The following AGFG1 variants were observed in gnomAD, a reference collection of about 807,000 sequenced individuals.
AGFG1 encodes the protein ArfGAP with FG repeats 1.
AGFG1 carries 10 observed loss-of-function variants against 60.6 expected under a neutral mutation model. That is an observed-to-expected ratio of 0.16 (90% CI 0.10 to 0.28). AGFG1 has a LOEUF of 0.28. AGFG1 is among the 10% of genes least tolerant of loss of function. The pLI is 1.00. For missense variants in AGFG1, 537 were observed against 676.5 expected (o/e 0.79, Z 2.29); for synonymous variants, 247 against 242.9 (o/e 1.02, Z -0.16).
In AGFG1 at chr2:227,520,010, G is replaced by C. The variant is rs1356191618; in HGVS notation, c.324G>C (p.Arg108Ser). 1 of 1,582,488 alleles carries C rather than the reference G, an allele frequency of 6.3e-7. No homozygotes were observed. Among genetic ancestry groups the C allele is most frequent in the Non-Finnish European group, 8.5e-7 (1 of 1,169,930 alleles). ...GATCTTCAGCAATTCCAGACTTCAG[G>C]GATCCACAAAAAGTGAAAGAGTTTC... The part of the protein sequence containing the change: ...DDRSSAIPDF[R>S]DPQKVKEFLQ... The change falls in exon 3 of 13, where the codon AGG (arginine) becomes AGC (serine). Residue 108 changes from arginine to serine, a missense_variant. Transcript: ENST00000310078.
At chr2:227,541,821 T>C (rs1360978793) in intron 10 of AGFG1, among the ~76,000 whole-genome samples, 2 of 152,160 alleles carry the variant, frequency 1.3e-5, no homozygotes, top group Admixed American at 6.5e-5. Flanking sequence ...ATTCTTCCTA[T>C]CCATGAGCAT....
At chr2:227,540,621 G>A (rs1190218069) in intron 10 of AGFG1, among the ~76,000 whole-genome samples, 1 of 152,124 alleles carries the variant, frequency 6.6e-6, no homozygotes, top group African/African-American at 2.4e-5. Context: ...TTGGTTCCAC[G>A]TCTTTGCTAT....
chr2:227,542,884 G>A (rs1262549204), intron 10 of AGFG1, among the ~76,000 whole-genome samples: 1 of 804 alleles, frequency 1.2e-3, no homozygotes, highest in African/African-American at 2.6e-3. Context: ...AGTCTTGAGA[G>A]GGTGTTGTAT....
intron 1 of AGFG1, among the ~76,000 whole-genome samples, chr2:227,478,971 T>C (rs1203088598): frequency 6.6e-6 from 1 of 152,024 alleles, no homozygotes; most frequent in East Asian, 1.9e-4. Context: ...TCACTTAAAC[T>C]ATATACTTAC....
intron 2 of AGFG1, among the ~76,000 whole-genome samples, chr2:227,506,392 A>G (rs1379091016): frequency 1.3e-5 from 2 of 151,958 alleles, no homozygotes; most frequent in Non-Finnish European, 2.9e-5. Context: ...GTTTTGTGGT[A>G]CCTATTTTCT....
Position 227,552,093 on chromosome 2 carries a change from A to G in AGFG1, c.1513A>G (p.Thr505Ala). 1 of 1,614,158 alleles carries G rather than the reference A, an allele frequency of 6.2e-7. No homozygotes were observed. Among genetic ancestry groups the G allele is most frequent in the South Asian group, 1.1e-5 (1 of 91,080 alleles). ...FPAQAAFPQQ[T>A]AFSQQPNGAG... ...AGCCCAAGCAGCTTTCCCTCAACAG[A>G]CAGCTTTTTCTCAACAGCCCAATGG... The change falls in exon 11 of 13, where the codon ACA becomes GCA. Residue 505 changes from threonine to alanine, a missense_variant. Thr to Ala is a moderately conservative substitution (Grantham distance 58). Around this residue, in one of 4 missense-constraint regions of AGFG1, gnomAD observed 287 missense variants for 343.6 expected, o/e 0.84. Transcript: ENST00000310078.
intron 2 of AGFG1, among the ~76,000 whole-genome samples, chr2:227,514,510 AAGTTTATAT>A (rs912477862): frequency 6.6e-6 from 1 of 152,162 alleles, no homozygotes; most frequent in Non-Finnish European, 1.5e-5. Flanking sequence ...ATACTATTTA[AAGTTTATAT>A]ACCTGTTCCC....
intron 2 of AGFG1, among the ~76,000 whole-genome samples, chr2:227,518,516 C>CTTTT (rs1222543055): frequency 5.9e-5 from 6 of 102,324 alleles, no homozygotes; most frequent in South Asian, 6.9e-4. Flanking sequence ...GTCTCAGTGT[C>CTTTT]TTTTTTTTTT....
chr2:227,558,959 C>T lies in AGFG1; in HGVS notation c.*4464C>T, dbSNP rs1047592285. 2.6e-5 allele frequency: 4 copies of T among 152,202 alleles called. No individual in the cohort carries two copies. The highest frequency in any genetic ancestry group is 2.1e-4 in the South Asian group (1 of 4,830). The allele number at this position is 152,202 out of a possible 1,614,324, so 9.4% of individuals were successfully genotyped here. A position where few individuals can be genotyped will look rare whatever the true frequency, so the allele number is the denominator to read the frequency against. On this transcript the variant is annotated 3_prime_UTR_variant, in exon 13 of 13. Coordinates refer to ENST00000310078, the MANE Select transcript of AGFG1 (RefSeq NM_004504.5). ...TGTATTGGTCATTTGATGATTATAT[C>T]CAGTATTTGGAGAGCTTTTATATTG...
chr2:227,477,504 T>A lies in AGFG1; in HGVS notation c.167+4916T>A, dbSNP rs72978808. On this transcript the variant is annotated intron_variant, in intron 1 of 12. Coordinates refer to ENST00000310078, the MANE Select transcript of AGFG1 (RefSeq NM_004504.5). Reference sequence around the variant, plus strand: ...ATTCCACCACCAAAGAATGTATGGTTACCATGGTTACCGTAAATTGTTGTG... The same window carrying A: ...ATTCCACCACCAAAGAATGTATGGTAACCATGGTTACCGTAAATTGTTGTG... 6.9e-3 allele frequency among the ~76,000 whole-genome samples: 1,047 copies of A among 152,352 alleles called. 9 individuals are homozygous for A. Among genetic ancestry groups the A allele is most frequent in the Non-Finnish European group, 0.011 (756 of 68,028 alleles).
chr2:227,542,585 A>G (rs1441693188), intron 10 of AGFG1, among the ~76,000 whole-genome samples: 2 of 152,166 alleles, frequency 1.3e-5, no homozygotes, highest in African/African-American at 2.4e-5. Context: ...GGATTTTTAC[A>G]TCGATGTTCA....
intron 8 of AGFG1, among the ~76,000 whole-genome samples, chr2:227,535,769 A>G (rs570030411): frequency 4.6e-5 from 7 of 152,164 alleles, no homozygotes; most frequent in Non-Finnish European, 4.4e-5. Flanking sequence ...TTAGGATTGT[A>G]ACACTTCCGG....
chr2:227,503,113 T>C (rs1691209160), intron 2 of AGFG1, among the ~76,000 whole-genome samples: 1 of 151,930 alleles, frequency 6.6e-6, no homozygotes, highest in African/African-American at 2.4e-5. Context: ...TGCACCTGTA[T>C]TCCCAGCTAG....
intron 1 of AGFG1, among the ~76,000 whole-genome samples, chr2:227,479,476 T>G (rs888960597): frequency 6.6e-6 from 1 of 152,228 alleles, no homozygotes; most frequent in African/African-American, 2.4e-5. Flanking sequence ...CCTCTGGATC[T>G]CAATTTGAAA....
Position 227,472,309 on chromosome 2 carries a change from C to A in AGFG1, c.-113C>A. 1 of 653,778 alleles carries A rather than the reference C, an allele frequency of 1.5e-6. No homozygotes were observed. The highest frequency in any genetic ancestry group is 1.9e-6 in the Non-Finnish European group (1 of 528,886). 40.5% of individuals were successfully genotyped at this position (653,778 alleles called of 1,614,324 possible). A position where few individuals can be genotyped will look rare whatever the true frequency, so the allele number is the denominator to read the frequency against. On this transcript the variant is annotated 5_prime_UTR_variant, in exon 1 of 13. Transcript: ENST00000310078. ...GCGGCCGGGTCCGGCGCGGGCGGCG[C>A]GCGCAGACGGAGGGCGGCGGCCGCG...
chr2:227,546,895 A>G (rs1011514137), intron 10 of AGFG1, among the ~76,000 whole-genome samples: 1 of 152,100 alleles, frequency 6.6e-6, no homozygotes, highest in Non-Finnish European at 1.5e-5. Flanking sequence ...TTTTTTCCCT[A>G]AGGAAAGGTA....
chr2:227,533,528 G>A, intron 6 of AGFG1, 21 bp from the exon 7 acceptor site: 2 of 1,607,444 alleles, frequency 1.2e-6, no homozygotes, highest in Non-Finnish European at 1.7e-6. Flanking sequence ...AATTTCAAGT[G>A]CTCTGTTTAT....
chr2:227,497,980 G>A (rs1691035128), intron 2 of AGFG1, among the ~76,000 whole-genome samples: 1 of 151,788 alleles, frequency 6.6e-6, no homozygotes, highest in Non-Finnish European at 1.5e-5. Flanking sequence ...TGTTACCTTG[G>A]GGAAACCACT....
intron 2 of AGFG1, among the ~76,000 whole-genome samples, chr2:227,503,805 TA>T (rs1691228914): frequency 6.6e-6 from 1 of 152,256 alleles, no homozygotes; most frequent in Admixed American, 6.5e-5. Context: ...TCATTTCATC[TA>T]AGTTGTCATA....
Sources: allele counts gnomAD v4.1 joint callset (sites outside exome capture counted in the v4.1 genomes callset), GRCh38; gene constraint gnomAD v4.1.1; regional missense constraint gnomAD v4.1.1; transcripts MANE v1.5; gene names NCBI Gene and HGNC (gene_info 2026-07-23, HGNC 2026-07-21).